The following RNF213 variants were observed in gnomAD, a reference collection of about 807,000 sequenced individuals.
The protein encoded by RNF213 is E3 ubiquitin-protein ligase RNF213.
RNF213 carries 341 observed loss-of-function variants against 514.4 expected under a neutral mutation model. That is an observed-to-expected ratio of 0.66 (90% CI 0.61 to 0.73). The LOEUF (loss-of-function observed/expected upper bound fraction) is 0.73, where lower values mean the gene tolerates loss of function less well. Ranked by LOEUF, RNF213 falls within the 30% of genes least tolerant of loss-of-function variation. The pLI is 0.00. For missense variants in RNF213, 5,767 were observed against 6,615.6 expected, an observed-to-expected ratio of 0.87 and a Z score of 4.45; for synonymous variants, 2,655 against 2,658.2, an observed-to-expected ratio of 1.00 and a Z score of 0.04.
At position 80,291,845 on chromosome 17, in the gene RNF213, G is replaced by C. The variant is rs752205553; in HGVS notation, c.1471+18G>C. 6.2e-7 allele frequency: 1 copy of C among 1,613,772 alleles called. No homozygotes were observed. The highest frequency in any genetic ancestry group is 1.1e-5 in the South Asian group (1 of 91,072). ...CTCAGGAGGTAAGTCGTGGCAGCAG[G>C]CTGTCTGCTCACCCCTCCGGAGTGC... is the stretch of plus-strand genomic sequence containing the variant. On this transcript the variant is annotated intron_variant, in intron 8 of 67. Transcript: ENST00000582970.
Position 80,353,979 on chromosome 17 carries a change from C to G in RNF213, c.10579-40C>G. ...GCGGTTTGGCTTTTGCCCACTGTGT[C>G]AGTGGCAGAAACGGATGACCCAACC... is the stretch of plus-strand genomic sequence containing the variant. On this transcript the variant is annotated intron_variant, in intron 34 of 67. Transcript: ENST00000582970. This position sits in a 1 kb window ranked among gnomAD's most constrained non-coding sequence, Gnocchi z 5.0. 6.2e-7 allele frequency: 1 copy of G among 1,612,914 alleles called. No homozygotes were observed.
At chr17:80,296,572 C>T (rs902987859) in intron 10 of RNF213, among the ~76,000 whole-genome samples, 24 of 152,242 alleles carry the variant, frequency 1.6e-4, no homozygotes, top group African/African-American at 5.8e-4. Flanking sequence ...TCAGACCCCA[C>T]TGAGCTCTGC....
At position 80,267,107 on chromosome 17, in the gene RNF213, C is replaced by T. The variant is rs187248564; in HGVS notation, c.97+3329C>T. Among the ~76,000 whole-genome samples the T allele has an allele frequency of 1.0e-3, 152 of 151,928 alleles. 2 individuals are homozygous for T. The East Asian group carries it at 0.023, about 23-fold the overall frequency. On this transcript the variant is annotated intron_variant, in intron 2 of 67. Transcript: ENST00000582970. Reference sequence around the variant, plus strand: ...TGGCTCATGCCTGTAATCCCAGCTTCTTGGGAGGCTGAGGCACAAGAATTG... The same window carrying T: ...TGGCTCATGCCTGTAATCCCAGCTTTTTGGGAGGCTGAGGCACAAGAATTG...
At chr17:80,334,398 T>C (rs1568085260) in intron 22 of RNF213, 128 bp downstream of exon 22, 1 of 991,074 alleles carries the variant, frequency 1.0e-6, no homozygotes, top group South Asian at 1.7e-5. Context: ...CAGAAAGACG[T>C]TGCCTGCATG....
In RNF213 at chr17:80,334,196, A is replaced by G. The variant is rs1476615341; in HGVS notation, c.4235A>G (p.Glu1412Gly). 2.6e-6 allele frequency: 4 copies of G among 1,537,140 alleles called. No individual in the cohort carries two copies. Among genetic ancestry groups the G allele is most frequent in the Non-Finnish European group, 3.5e-6 (4 of 1,146,908 alleles). ...AAAAAGCTGCTCCAGGACATCAGCG[A>G]GGCCCGGTGCAAGGGGCTGCAGGCT... The part of the protein sequence containing the change: ...QAKKLLQDIS[E>G]ARCKGLQALS... Residue 1412 changes from glutamate to glycine, a missense_variant, in exon 22 of 68, where the codon GAG becomes GGG. Physicochemically the swap from Glu to Gly is moderately conservative, Grantham distance 98 (BLOSUM62 -2). Around this residue, in one of 13 missense-constraint regions of RNF213, gnomAD observed 516 missense variants for 566.5 expected, o/e 0.91. Transcript: ENST00000582970.
intron 11 of RNF213, among the ~76,000 whole-genome samples, chr17:80,301,986 T>G (rs2045195764): frequency 6.6e-6 from 1 of 152,204 alleles, no homozygotes; most frequent in Non-Finnish European, 1.5e-5. Flanking sequence ...CGCAGCAACA[T>G]GGACAAGCTT....
Position 80,347,063 on chromosome 17 carries a change from C to T in RNF213, c.8728C>T (p.Leu2910Phe). ...ACGTGGCAGCCCCAACGAGACAGAG[C>T]TCATAGAGAGCGCCAAGGGCATCTG... Reference protein sequence around the residue: ...VSRGSPNETELIESAKGICSS... With the variant: ...VSRGSPNETEFIESAKGICSS... The change falls in exon 29 of 68, where the codon CTC becomes TTC. Residue 2910 changes from leucine to phenylalanine, a missense_variant. Leu to Phe is a conservative substitution (Grantham distance 22). Transcript: ENST00000582970. The surrounding 1 kb of genome is among the most constrained non-coding windows in gnomAD (Gnocchi z 7.2). 1 of 1,614,134 alleles carries T rather than the reference C, an allele frequency of 6.2e-7. No homozygotes were observed. The highest frequency in any genetic ancestry group is 8.5e-7 in the Non-Finnish European group (1 of 1,180,026).
intron 3 of RNF213, among the ~76,000 whole-genome samples, chr17:80,276,093 T>A (rs200219786): frequency 8.4e-4 from 126 of 150,570 alleles, no homozygotes; most frequent in African/African-American, 2.9e-3. Context: ...TTATTTTTTG[T>A]TTTATTTATT....
intron 17 of RNF213, chr17:80,319,572 G>A: frequency 1.3e-6 from 2 of 1,595,968 alleles, no homozygotes; most frequent in Non-Finnish European, 1.7e-6. Context: ...TGCGCGTGTG[G>A]CACAAGTCAC....
At position 80,364,472 on chromosome 17, in the gene RNF213, GGA is replaced by G. The variant is rs778810083; in HGVS notation, c.11792_11793del (p.Glu3931AlafsTer33). 6.2e-7 allele frequency: 1 copy of G among 1,614,162 alleles called. No individual in the cohort carries two copies. Among genetic ancestry groups the G allele is most frequent in the Admixed American group, 1.7e-5 (1 of 60,026 alleles). On this transcript the variant is annotated frameshift_variant, in exon 42 of 68. Transcript: ENST00000582970. LOFTEE classifies it high-confidence loss of function. ...GGATTTTCTCCACCGCACTCTTCGT[GGA>G]GCACGTGCTCCTAGGAACCGAGAGC... ...SRIFSTALFVEHVLLGTESRV... is the reference protein window; with the variant it reads ...SRIFSTALFVXHVLLGTESRV...
At chr17:80,352,715 T>C (rs2078572841) in intron 32 of RNF213, 1 of 679,614 alleles carries the variant, frequency 1.5e-6, no homozygotes, top group Non-Finnish European at 2.7e-6. Context: ...GGTCTTACCG[T>C]TGCTGCTTAT....
chr17:80,393,469 G>A lies in RNF213; in HGVS notation c.15595G>A (p.Val5199Met), dbSNP rs755617603. The A allele has an allele frequency of 3.7e-6, 6 of 1,614,226 alleles. No individual in the cohort carries two copies. The South Asian group carries it at 6.6e-5, about 18-fold the overall frequency. The stretch of plus-strand genomic sequence containing the variant: ...TGTCTCAGTGTGGAAAACAGCTGCT[G>A]TGCTGAAATGGAATCGAGAAATGAG... ...SCVSVWKTAAVLKWNREMR is the reference protein window; with the variant it reads ...SCVSVWKTAAMLKWNREMR The change falls in exon 68 of 68, where the codon GTG becomes ATG. Residue 5199 changes from valine to methionine, a missense_variant. Around this residue, in one of 13 missense-constraint regions of RNF213, gnomAD observed 1,245 missense variants for 1,339.0 expected, o/e 0.93. Transcript: ENST00000582970.
At chr17:80,381,843 T>G in intron 57 of RNF213, 116 bp downstream of exon 57, 1 of 1,002,042 alleles carries the variant, frequency 1.0e-6, no homozygotes, top group Admixed American at 2.0e-5. Flanking sequence ...TCTGTGCTGT[T>G]GCTGGAAAGA....
At chr17:80,320,239 G>C (rs1009416061) in intron 17 of RNF213, 1 of 154,034 alleles carries the variant, frequency 6.5e-6, no homozygotes, top group African/African-American at 2.4e-5. Flanking sequence ...ATAAACAACT[G>C]CTTCTGTGGC....
chr17:80,347,846 A>C lies in RNF213; in HGVS notation c.9511A>C (p.Lys3171Gln). ...FPIPLINRLE[K>Q]HYLDINTVLE... ...CATCCCCCTCATTAACCGGCTGGAG[A>C]AGCACTATCTGGATATCAACACGGT... Residue 3171 changes from lysine to glutamine, a missense_variant, in exon 29 of 68, where the codon AAG becomes CAG. Lys to Gln is a moderately conservative substitution (Grantham distance 53). Around this residue, in one of 13 missense-constraint regions of RNF213, gnomAD observed 919 missense variants for 1,121.0 expected, o/e 0.82. Coordinates refer to ENST00000582970, the MANE Select transcript of RNF213 (RefSeq NM_001256071.3). The surrounding 1 kb of genome is among the most constrained non-coding windows in gnomAD (Gnocchi z 7.2). 2 of 1,614,160 alleles carry C rather than the reference A, an allele frequency of 1.2e-6. No homozygotes were observed. Among genetic ancestry groups the C allele is most frequent in the African/African-American group, 1.3e-5 (1 of 75,040 alleles).
intron 67 of RNF213, among the ~76,000 whole-genome samples, chr17:80,391,048 G>A (rs1246808963): frequency 6.6e-6 from 1 of 151,860 alleles, no homozygotes; most frequent in Non-Finnish European, 1.5e-5. Context: ...GGCAACAGAG[G>A]GAGACTTCAT....
At chr17:80,340,554 TG>T in intron 26 of RNF213, 198 bp downstream of exon 26, 1 of 548,584 alleles carries the variant, frequency 1.8e-6, no homozygotes, top group Non-Finnish European at 3.3e-6. Flanking sequence ...GGGTATTCCC[TG>T]GGAGCCCCAT....
At chr17:80,323,075 G>A (rs1039038262) in intron 17 of RNF213, among the ~76,000 whole-genome samples, 2 of 152,208 alleles carry the variant, frequency 1.3e-5, no homozygotes, top group African/African-American at 4.8e-5. Context: ...TATATGGTGT[G>A]AGGTAAGGGT....
chr17:80,343,305 C>G lies in RNF213; in HGVS notation c.6163C>G (p.His2055Asp), dbSNP rs1599065706. ...AQYQKVPVLFHLDVTSSVQTG... is the reference protein window; with the variant it reads ...AQYQKVPVLFDLDVTSSVQTG... ...GTATCAGAAGGTCCCCGTGCTCTTT[C>G]ACCTGGACGTGACCTCCTCAGTAAG... Residue 2055 changes from histidine to aspartate, a missense_variant, in exon 27 of 68, where the codon CAC becomes GAC. His to Asp is a moderately conservative substitution (Grantham distance 81). This residue lies in a region of RNF213 where 1,377 missense variants were observed against 1,635.2 expected (regional missense o/e 0.84). Transcript: ENST00000582970. The surrounding 1 kb of genome is among the most constrained non-coding windows in gnomAD (Gnocchi z 4.3). The G allele has an allele frequency of 6.2e-7, 1 of 1,612,504 alleles. No individual in the cohort carries two copies. The highest frequency in any genetic ancestry group is 2.2e-5 in the East Asian group (1 of 44,862).
Sources: allele counts gnomAD v4.1 joint callset (sites outside exome capture counted in the v4.1 genomes callset), GRCh38; gene constraint gnomAD v4.1.1; regional missense constraint gnomAD v4.1.1; non-coding constraint Gnocchi (gnomAD v3.1); transcripts MANE v1.5; gene names NCBI Gene and HGNC (gene_info 2026-07-23, HGNC 2026-07-21).